Variants in ATXN8OS observed in about 807,000 individuals in gnomAD.
The protein encoded by ATXN8OS is ATXN8 opposite strand (non-protein coding).
intron 3 of ATXN8OS, among the ~76,000 whole-genome samples, chr13:70,140,316 G>A (rs183075648): frequency 3.3e-5 from 5 of 152,028 alleles, no homozygotes; most frequent in East Asian, 1.9e-4. Context: ...GTAAGTATTC[G>A]ATAAATTTGA....
intron 3 of ATXN8OS, among the ~76,000 whole-genome samples, chr13:70,144,685 T>G (rs1021695216): frequency 2.0e-5 from 3 of 152,120 alleles, no homozygotes; most frequent in African/African-American, 7.2e-5. Context: ...ATAGCAGAAA[T>G]TTTTAATTAT....
At chr13:70,113,359 T>C (rs1888226206) in intron 1 of ATXN8OS, among the ~76,000 whole-genome samples, 1 of 152,210 alleles carries the variant, frequency 6.6e-6, no homozygotes, top group African/African-American at 2.4e-5. Context: ...TATTTTCTAA[T>C]GAGTAAAACA....
At chr13:70,163,861 A>T (rs997532477) in intron 4 of ATXN8OS, among the ~76,000 whole-genome samples, 8 of 150,512 alleles carry the variant, frequency 5.3e-5, no homozygotes, top group Non-Finnish European at 7.4e-5. Flanking sequence ...TTGTTTTAGA[A>T]CTTTAACACT....
At chr13:70,138,599 A>G (rs974913219) in intron 3 of ATXN8OS, among the ~76,000 whole-genome samples, 4 of 152,276 alleles carry the variant, frequency 2.6e-5, no homozygotes, top group African/African-American at 9.6e-5. Context: ...TTTTGTTCAC[A>G]GTCACCAATA....
At chr13:70,151,492 G>T (rs1888866791) in intron 4 of ATXN8OS, among the ~76,000 whole-genome samples, 1 of 152,008 alleles carries the variant, frequency 6.6e-6, no homozygotes, top group African/African-American at 2.4e-5. Context: ...AAAAATGAAT[G>T]TATAGAGAAG....
chr13:70,130,586 G>A, intron 3 of ATXN8OS: 4 of 397,348 alleles, frequency 1.0e-5, no homozygotes, highest in Non-Finnish European at 8.9e-6. Flanking sequence ...GATACCAATG[G>A]TGGGTGTGAG....
At position 70,158,326 on chromosome 13, in the gene ATXN8OS, G is replaced by A. The variant is rs564868433; in HGVS notation, n.573+10898G>A. Among the ~76,000 whole-genome samples the A allele has an allele frequency of 9.9e-3, 1,506 of 152,256 alleles. 11 individuals are homozygous for A. Among genetic ancestry groups the A allele is most frequent in the Middle Eastern group, 0.017 (5 of 294 alleles). The stretch of plus-strand genomic sequence containing the variant: ...TCAGCTACTTGGGAGGCTGAGGCAG[G>A]AGAATCGCTTGAACCTGGGAGGCGG... On this transcript the variant is annotated intron_variant and non_coding_transcript_variant, in intron 4 of 4. Transcript: ENST00000678624.
intron 2 of ATXN8OS, among the ~76,000 whole-genome samples, chr13:70,128,313 A>G (rs1215124912): frequency 6.6e-6 from 1 of 152,122 alleles, no homozygotes; most frequent in Non-Finnish European, 1.5e-5. Flanking sequence ...TTTTTAACAC[A>G]GTTGGATATC....
chr13:70,166,529 G>A (rs1889077709), intron 4 of ATXN8OS, among the ~76,000 whole-genome samples: 2 of 152,012 alleles, frequency 1.3e-5, no homozygotes, highest in African/African-American at 2.4e-5. Flanking sequence ...ATGGATTAAA[G>A]ACTTAAATGT....
At chr13:70,140,533 C>CACAA (rs71196274) in intron 3 of ATXN8OS, among the ~76,000 whole-genome samples, 7,566 of 133,028 alleles carry the variant, frequency 0.057, 554 homozygotes, top group African/African-American at 0.17. Flanking sequence ...CACACACACA[C>CACAA]AAAAAAAAAA....
chr13:70,124,673 G>T (rs1888403279), intron 2 of ATXN8OS, among the ~76,000 whole-genome samples: 1 of 151,918 alleles, frequency 6.6e-6, no homozygotes, highest in Non-Finnish European at 1.5e-5. Flanking sequence ...TTTTTTGTTT[G>T]TTTGGTTGTT....
intron 2 of ATXN8OS, among the ~76,000 whole-genome samples, chr13:70,116,483 G>T (rs1290044493): frequency 6.6e-6 from 1 of 152,166 alleles, no homozygotes; most frequent in Admixed American, 6.6e-5. Context: ...CCATGATAAA[G>T]TTTGGTGTAT....
chr13:70,149,885 T>C (rs1263523991), intron 4 of ATXN8OS, among the ~76,000 whole-genome samples: 1 of 152,034 alleles, frequency 6.6e-6, no homozygotes, highest in South Asian at 2.1e-4. Context: ...GTGGAGACTA[T>C]TGCTTATGTC....
chr13:70,142,840 G>A (rs921494632), intron 3 of ATXN8OS, among the ~76,000 whole-genome samples: 6 of 152,160 alleles, frequency 3.9e-5, no homozygotes, highest in African/African-American at 1.2e-4. Flanking sequence ...TTGGGAGCCC[G>A]AGGCGGGAGG....
exon 5 of ATXN8OS, among the ~76,000 whole-genome samples, chr13:70,170,399 A>T (rs562831174): frequency 4.6e-5 from 7 of 152,236 alleles, no homozygotes; most frequent in Admixed American, 4.6e-4. Context: ...TATATGCAAT[A>T]CATTTTCTAA....
intron 2 of ATXN8OS, among the ~76,000 whole-genome samples, chr13:70,126,721 C>CACATCTATAAATAG (rs1018570563): frequency 2.6e-5 from 4 of 151,434 alleles, no homozygotes; most frequent in Non-Finnish European, 4.4e-5. Context: ...GTACAGTTTA[C>CACATCTATAAATAG]ACATCTATAA....
intron 4 of ATXN8OS, among the ~76,000 whole-genome samples, chr13:70,166,200 A>G (rs1889073504): frequency 6.6e-6 from 1 of 152,068 alleles, no homozygotes. Flanking sequence ...AAGAGCCCTC[A>G]TTGCCAAGTC....
At chr13:70,168,927 T>G (rs1383519246) in intron 4 of ATXN8OS, among the ~76,000 whole-genome samples, 5 of 152,158 alleles carry the variant, frequency 3.3e-5, no homozygotes, top group Non-Finnish European at 5.9e-5. Context: ...CATTATAGTT[T>G]CAATTACATT....
intron 2 of ATXN8OS, among the ~76,000 whole-genome samples, chr13:70,126,721 CACATCTATAAATAG>C (rs1018570563): frequency 1.3e-5 from 2 of 151,434 alleles, no homozygotes. Flanking sequence ...GTACAGTTTA[CACATCTATAAATAG>C]ACATCTATAA....
Sources: gnomAD v4.1 joint callset for allele counts (sites outside exome capture counted in the v4.1 genomes callset) on GRCh38, gnomAD v4.1.1 for gene constraint, MANE v1.5 for transcripts, NCBI Gene and HGNC (gene_info 2026-07-23, HGNC 2026-07-21) for gene names.